The following DCC variants were observed in gnomAD, a reference collection of about 807,000 sequenced individuals.
DCC encodes the protein DCC netrin 1 receptor.
In DCC, 58 loss-of-function variants were observed where a neutral mutation model predicts 172.5. The observed-to-expected ratio is 0.34, with a 90% CI of 0.27 to 0.42. DCC has a LOEUF of 0.42. Among genes scored for constraint, DCC ranks in the 10% least tolerant of loss-of-function variants. The pLI, the probability that DCC is intolerant of heterozygous loss-of-function variation, is 1.00. For synonymous variants in DCC, 709 were observed against 644.5 expected, an observed-to-expected ratio of 1.10 and a Z score of -1.52; for missense variants, 1,740 against 1,791.0, an observed-to-expected ratio of 0.97 and a Z score of 0.51.
intron 21 of DCC, among the ~76,000 whole-genome samples, chr18:53,428,363 T>A (rs1256739658): frequency 1.8e-5 from 1 of 55,178 alleles, no homozygotes; most frequent in African/African-American, 5.9e-5. Flanking sequence ...ATGTTGTATA[T>A]AATATAATAT....
chr18:53,271,013 A>G (rs1008690315), intron 12 of DCC, among the ~76,000 whole-genome samples: 13 of 152,178 alleles, frequency 8.5e-5, no homozygotes. Context: ...AACTACCACA[A>G]TGGAGCATAG....
At chr18:52,929,576 C>G (rs1161286868) in intron 5 of DCC, among the ~76,000 whole-genome samples, 1 of 151,952 alleles carries the variant, frequency 6.6e-6, no homozygotes, top group Non-Finnish European at 1.5e-5. Context: ...TGCCATACTT[C>G]GAATCTGTAG....
intron 3 of DCC, among the ~76,000 whole-genome samples, chr18:52,919,053 C>T (rs2040080334): frequency 6.6e-6 from 1 of 152,162 alleles, no homozygotes; most frequent in South Asian, 2.1e-4. Context: ...TTCAAGATGG[C>T]CTCACTCACA....
chr18:52,361,110 G>A (rs1184768249), intron 1 of DCC, among the ~76,000 whole-genome samples: 3 of 151,966 alleles, frequency 2.0e-5, no homozygotes, highest in African/African-American at 7.2e-5. Context: ...ACAAAAACCT[G>A]GCCTTCTCAA....
chr18:52,434,613 A>C (rs1987730357), intron 1 of DCC, among the ~76,000 whole-genome samples: 1 of 152,140 alleles, frequency 6.6e-6, no homozygotes, highest in African/African-American at 2.4e-5. Context: ...AATGCTAATA[A>C]ACCAGCAGTT....
intron 27 of DCC, among the ~76,000 whole-genome samples, chr18:53,511,812 G>A (rs561092696): frequency 1.2e-3 from 179 of 152,220 alleles, no homozygotes; most frequent in African/African-American, 3.8e-3. Context: ...AGGGTCCTAC[G>A]CCCACGGAGT....
intron 1 of DCC, among the ~76,000 whole-genome samples, chr18:52,401,147 G>A (rs375375989): frequency 6.6e-6 from 1 of 151,920 alleles, no homozygotes; most frequent in African/African-American, 2.4e-5. Context: ...CTCAATAGTG[G>A]ATAAATTCTG....
intron 2 of DCC, among the ~76,000 whole-genome samples, chr18:52,773,317 G>T (rs1276249799): frequency 6.6e-6 from 1 of 152,052 alleles, no homozygotes; most frequent in African/African-American, 2.4e-5. Context: ...TTTGTTATCT[G>T]AACATTGAGT....
chr18:52,795,364 C>A (rs1303817453), intron 2 of DCC, among the ~76,000 whole-genome samples: 1 of 151,812 alleles, frequency 6.6e-6, no homozygotes, highest in Non-Finnish European at 1.5e-5. Flanking sequence ...AGGTTGTATG[C>A]GTTTAGGAAT....
chr18:52,980,636 T>C (rs11663596), intron 5 of DCC, among the ~76,000 whole-genome samples: 40,989 of 151,960 alleles, frequency 0.27, 7,031 homozygotes, highest in Non-Finnish European at 0.39. Flanking sequence ...GACATTTTCA[T>C]AGCAAAAAAT....
intron 7 of DCC, among the ~76,000 whole-genome samples, chr18:53,074,743 T>C (rs1280308768): frequency 1.3e-5 from 2 of 152,192 alleles, no homozygotes; most frequent in Admixed American, 6.5e-5. Context: ...TCTTTGACCA[T>C]ATAATACTCA....
At chr18:53,230,074 A>G (rs2056099627) in intron 12 of DCC, among the ~76,000 whole-genome samples, 1 of 152,078 alleles carries the variant, frequency 6.6e-6, no homozygotes, top group Admixed American at 6.6e-5. Flanking sequence ...TTACATCTTT[A>G]TTGTTTAGCT....
chr18:52,927,614 A>G (rs2040239237), intron 5 of DCC, among the ~76,000 whole-genome samples: 1 of 152,024 alleles, frequency 6.6e-6, no homozygotes, highest in Non-Finnish European at 1.5e-5. Context: ...AACCTTGACT[A>G]GTGTTATTAT....
At chr18:53,529,529 T>C (rs989990844) in intron 28 of DCC, among the ~76,000 whole-genome samples, 1 of 152,210 alleles carries the variant, frequency 6.6e-6, no homozygotes, top group African/African-American at 2.4e-5. Flanking sequence ...ACTGAACACT[T>C]ACCACTAGGC....
intron 27 of DCC, among the ~76,000 whole-genome samples, chr18:53,522,560 C>T (rs1246623522): frequency 6.6e-6 from 1 of 152,010 alleles, no homozygotes; most frequent in African/African-American, 2.4e-5. Flanking sequence ...GGTACTGGTA[C>T]CAAAACAGAG....
intron 1 of DCC, among the ~76,000 whole-genome samples, chr18:52,490,206 A>G (rs568367912): frequency 2.0e-5 from 3 of 152,134 alleles, no homozygotes; most frequent in East Asian, 1.9e-4. Flanking sequence ...GGCAATTTCT[A>G]TAATAGGAGC....
intron 1 of DCC, among the ~76,000 whole-genome samples, chr18:52,618,762 C>T (rs757409673): frequency 1.3e-5 from 2 of 152,130 alleles, no homozygotes; most frequent in Admixed American, 6.5e-5. Flanking sequence ...CCACCTATTG[C>T]TTTACCTTCT....
Position 53,042,453 on chromosome 18 carries a change from G to A in DCC, c.986-20852G>A, listed in dbSNP as rs530624479. 2.0e-5 allele frequency among the ~76,000 whole-genome samples: 3 copies of A among 151,964 alleles called. No individual in the cohort carries two copies. In the East Asian group the frequency reaches 5.8e-4, roughly 30 times the overall value. ...CACATCGATGTTCGTCAGGCATATT[G>A]GCCTGAAATTTTCTCTTTTTGTTGT... On this transcript the variant is annotated intron_variant, in intron 5 of 28. Transcript: ENST00000442544.
At chr18:52,507,151 C>A (rs1387881326) in intron 1 of DCC, among the ~76,000 whole-genome samples, 2 of 152,124 alleles carry the variant, frequency 1.3e-5, no homozygotes, top group African/African-American at 4.8e-5. Context: ...ATCTCATATC[C>A]TCCCCTATGA....
Sources: allele counts gnomAD v4.1 joint callset (sites outside exome capture counted in the v4.1 genomes callset), GRCh38; gene constraint gnomAD v4.1.1; transcripts MANE v1.5; gene names NCBI Gene and HGNC (gene_info 2026-07-23, HGNC 2026-07-21).